CNTN5: variants seen among roughly 807,000 people sequenced by gnomAD.
CNTN5 encodes contactin 5, also known as contactin-5.
In CNTN5, 77 loss-of-function variants were observed where a neutral mutation model predicts 129.1. That is an observed-to-expected ratio of 0.60 (90% CI 0.50 to 0.72). The LOEUF is 0.72. Ranked by LOEUF, CNTN5 falls within the 30% of genes least tolerant of loss-of-function variation. The pLI, the probability that CNTN5 is intolerant of heterozygous loss-of-function variation, is 0.00. For synonymous variants in CNTN5, 509 were observed against 465.6 expected (o/e 1.09, Z -1.20); for missense variants, 1,478 against 1,328.8 (o/e 1.11, Z -1.75).
intron 3 of CNTN5, among the ~76,000 whole-genome samples, chr11:99,800,817 A>C (rs1238836588): frequency 6.6e-6 from 1 of 152,000 alleles, no homozygotes; most frequent in Non-Finnish European, 1.5e-5. Flanking sequence ...GTGTTGTTTC[A>C]TGTGGGATGG....
At chr11:99,761,318 A>G (rs1413531185) in intron 3 of CNTN5, among the ~76,000 whole-genome samples, 1 of 151,972 alleles carries the variant, frequency 6.6e-6, no homozygotes, top group African/African-American at 2.4e-5. Context: ...CACATTGTGC[A>G]GGTTTGTTAC....
intron 11 of CNTN5, among the ~76,000 whole-genome samples, chr11:100,071,404 T>C (rs1048862276): frequency 2.0e-5 from 3 of 152,196 alleles, no homozygotes; most frequent in Admixed American, 6.6e-5. Flanking sequence ...GCTGATTATA[T>C]TTCACAAGCT....
intron 3 of CNTN5, among the ~76,000 whole-genome samples, chr11:99,568,713 A>G (rs1322859584): frequency 6.6e-6 from 1 of 152,248 alleles, no homozygotes; most frequent in African/African-American, 2.4e-5. Context: ...TGGATTATAT[A>G]TAATATGTAA....
chr11:99,483,921 G>A (rs984094186), intron 2 of CNTN5, among the ~76,000 whole-genome samples: 1 of 151,774 alleles, frequency 6.6e-6, no homozygotes. Flanking sequence ...ATAAATAAAA[G>A]GCCTAAATAT....
intron 1 of CNTN5, among the ~76,000 whole-genome samples, chr11:99,271,476 CATA>C (rs1272001185): frequency 9.9e-5 from 15 of 151,786 alleles, no homozygotes; most frequent in African/African-American, 2.9e-4. Flanking sequence ...AGACTCAAAT[CATA>C]ATAACACTTG....
intron 1 of CNTN5, 82 bp downstream of exon 1, chr11:99,021,352 C>T (rs1247830677): frequency 6.6e-6 from 1 of 152,190 alleles, no homozygotes; most frequent in Non-Finnish European, 1.5e-5. Context: ...ATTTTTGACA[C>T]ACTCTGTTCT....
intron 1 of CNTN5, among the ~76,000 whole-genome samples, chr11:99,232,346 A>G (rs7952130): frequency 0.4 from 60,518 of 151,804 alleles, 12,483 homozygotes; most frequent in East Asian, 0.6. Flanking sequence ...TTTGTAGTTC[A>G]CCTTGAAGAG....
intron 3 of CNTN5, among the ~76,000 whole-genome samples, chr11:99,697,173 C>T (rs1281618567): frequency 6.6e-6 from 1 of 151,892 alleles, no homozygotes; most frequent in East Asian, 1.9e-4. Flanking sequence ...GGAAAATCTC[C>T]TATGCAGAAT....
At chr11:100,149,828 AG>A (rs1946991398) in intron 13 of CNTN5, among the ~76,000 whole-genome samples, 1 of 147,980 alleles carries the variant, frequency 6.8e-6, no homozygotes, top group Non-Finnish European at 1.5e-5. Context: ...CATGAGGTGG[AG>A]CTTGCAGTGA....
intron 1 of CNTN5, among the ~76,000 whole-genome samples, chr11:99,247,770 G>A (rs1861890209): frequency 1.3e-5 from 2 of 152,056 alleles, no homozygotes; most frequent in African/African-American, 4.8e-5. Flanking sequence ...CTTCATCCAT[G>A]TCCCTACAAA....
At chr11:99,331,042 A>G (rs1349077213) in intron 2 of CNTN5, among the ~76,000 whole-genome samples, 1 of 151,990 alleles carries the variant, frequency 6.6e-6, no homozygotes, top group African/African-American at 2.4e-5. Context: ...ATGGAGAGAT[A>G]TATTGTGTTT....
At chr11:100,008,294 A>C (rs1024696592) in intron 9 of CNTN5, among the ~76,000 whole-genome samples, 2 of 152,112 alleles carry the variant, frequency 1.3e-5, no homozygotes, top group African/African-American at 4.8e-5. Context: ...ACAGACCTTC[A>C]ATTTGTGAAA....
intron 9 of CNTN5, among the ~76,000 whole-genome samples, chr11:100,054,733 T>C (rs369862169): frequency 3.2e-4 from 49 of 151,878 alleles, no homozygotes; most frequent in African/African-American, 1.1e-3. Flanking sequence ...AGTAAGATAA[T>C]GCTAGAAGGC....
chr11:100,336,765 G>T, intron 21 of CNTN5: 1 of 274,278 alleles, frequency 3.6e-6, no homozygotes. Context: ...AAAGTAGCTA[G>T]AGCGGTACGG....
At chr11:99,829,645 A>ATTGTGTCTAAT in intron 4 of CNTN5, among the ~76,000 whole-genome samples, 1 of 152,188 alleles carries the variant, frequency 6.6e-6, no homozygotes, top group Non-Finnish European at 1.5e-5. Flanking sequence ...ATCTCTTGAA[A>ATTGTGTCTAAT]TTGTGTCAAT....
chr11:99,875,782 A>G lies in CNTN5; in HGVS notation c.577+30520A>G, dbSNP rs555586987. Among the ~76,000 whole-genome samples the G allele has an allele frequency of 1.2e-4, 18 of 152,306 alleles. No homozygotes were observed. The South Asian group carries it at 3.7e-3, about 32-fold the overall frequency. ...ATATGAAATACATAATAGACAATAC[A>G]CATTTGCAAAATAAATGACTCAATG... is the stretch of plus-strand genomic sequence containing the variant. On this transcript the variant is annotated intron_variant, in intron 6 of 24. Coordinates refer to ENST00000524871, the MANE Select transcript of CNTN5 (RefSeq NM_014361.4).
intron 21 of CNTN5, among the ~76,000 whole-genome samples, chr11:100,312,550 C>A (rs948326547): frequency 2.2e-4 from 33 of 152,112 alleles, no homozygotes; most frequent in African/African-American, 7.0e-4. Context: ...ACTTTTATCC[C>A]TCTTTTTCAC....
At chr11:100,104,749 C>G (rs1218389203) in intron 13 of CNTN5, among the ~76,000 whole-genome samples, 1 of 152,002 alleles carries the variant, frequency 6.6e-6, no homozygotes, top group African/African-American at 2.4e-5. Context: ...TAATTTGACC[C>G]CTCCATTCTT....
chr11:99,418,344 C>T (rs562118345), intron 2 of CNTN5, among the ~76,000 whole-genome samples: 1 of 151,874 alleles, frequency 6.6e-6, no homozygotes, highest in Non-Finnish European at 1.5e-5. Context: ...ATAATTTTTG[C>T]TTGTTTTGGC....
Sources: allele counts gnomAD v4.1 joint callset (sites outside exome capture counted in the v4.1 genomes callset), GRCh38; gene constraint gnomAD v4.1.1; transcripts MANE v1.5; gene names NCBI Gene and HGNC (gene_info 2026-07-23, HGNC 2026-07-21).